The following PDE4B variants were observed in gnomAD, a reference collection of about 807,000 sequenced individuals.
The protein encoded by PDE4B is phosphodiesterase 4B.
Under a neutral mutation model 82.2 loss-of-function variants are expected in PDE4B, and 20 were observed. The observed-to-expected ratio is 0.24, with a 90% CI of 0.17 to 0.35. The LOEUF is 0.35. Ranked by LOEUF, PDE4B falls within the 10% of genes least tolerant of loss-of-function variation. The pLI is 1.00. For missense variants in PDE4B, 655 were observed against 907.2 expected, an observed-to-expected ratio of 0.72 and a Z score of 3.57; for synonymous variants, 320 against 318.9, an observed-to-expected ratio of 1.00 and a Z score of -0.04.
chr1:65,934,146 G>T (rs1003628071), intron 3 of PDE4B, among the ~76,000 whole-genome samples: 30 of 152,188 alleles, frequency 2.0e-4, no homozygotes, highest in Admixed American at 1.4e-3. Context: ...AGAAATCAAA[G>T]TATATCAGTA....
chr1:65,845,606 G>A (rs1304159254), intron 1 of PDE4B, among the ~76,000 whole-genome samples: 1 of 152,150 alleles, frequency 6.6e-6, no homozygotes, highest in East Asian at 1.9e-4. Flanking sequence ...TGAAGGAATA[G>A]GGAAGCAGAG....
In PDE4B at chr1:65,914,186, A is replaced by G. The variant is rs1262032013; in HGVS notation, c.42+830A>G. Among the ~76,000 whole-genome samples, 3 of 152,192 alleles carry G rather than the reference A, an allele frequency of 2.0e-5. No homozygotes were observed. In the East Asian group the frequency reaches 5.8e-4, roughly 29 times the overall value. On this transcript the variant is annotated intron_variant, in intron 2 of 16. Coordinates refer to ENST00000341517, the MANE Select transcript of PDE4B (RefSeq NM_002600.4). ...TTTTCCTTGTTTTCTGTAATAATCCATCTTGTTAAGCTCCTGTTTCACAGA... is the reference window on the plus strand; with the variant it reads ...TTTTCCTTGTTTTCTGTAATAATCCGTCTTGTTAAGCTCCTGTTTCACAGA...
At position 66,368,687 on chromosome 1, in the gene PDE4B, T is replaced by C. The variant is rs1391453546; in HGVS notation, c.1663-100T>C. The C allele has an allele frequency of 1.2e-5, 10 of 851,310 alleles. No individual in the cohort carries two copies. In the Admixed American group the frequency reaches 3.0e-4, roughly 26 times the overall value. 52.7% of individuals were successfully genotyped at this position (851,310 alleles called of 1,614,324 possible). A position where few individuals can be genotyped will look rare whatever the true frequency, so the allele number is the denominator to read the frequency against. Reference sequence around the variant, plus strand: ...CATAATTATAATGCAACTAAAATGTTCTCGGGTTTAGTACCAAGCGTACTA... The same window carrying C: ...CATAATTATAATGCAACTAAAATGTCCTCGGGTTTAGTACCAAGCGTACTA... On this transcript the variant is annotated intron_variant, in intron 15 of 16. Coordinates refer to ENST00000341517, the MANE Select transcript of PDE4B (RefSeq NM_002600.4).
intron 1 of PDE4B, among the ~76,000 whole-genome samples, chr1:65,854,160 TC>T (rs1290012842): frequency 6.6e-6 from 1 of 151,690 alleles, no homozygotes; most frequent in Non-Finnish European, 1.5e-5. Context: ...TGTCCTCTCC[TC>T]TCCTTTTAAA....
At chr1:66,118,427 T>C (rs538635686) in intron 3 of PDE4B, among the ~76,000 whole-genome samples, 5 of 152,324 alleles carry the variant, frequency 3.3e-5, no homozygotes, top group African/African-American at 1.2e-4. Flanking sequence ...TGTAGGGACA[T>C]GGATAAAGCT....
chr1:66,088,639 T>G (rs1644949069), intron 3 of PDE4B, among the ~76,000 whole-genome samples: 1 of 152,096 alleles, frequency 6.6e-6, no homozygotes, highest in South Asian at 2.1e-4. Context: ...AGCCTGTTAA[T>G]TTATCTTTTT....
At chr1:66,346,772 T>C (rs74549713) in intron 8 of PDE4B, among the ~76,000 whole-genome samples, 1 of 152,268 alleles carries the variant, frequency 6.6e-6, no homozygotes, top group East Asian at 1.9e-4. Context: ...GTGAGAAAGG[T>C]ACCATGAGCT....
At chr1:66,091,166 C>A (rs1468369679) in intron 3 of PDE4B, among the ~76,000 whole-genome samples, 2 of 151,886 alleles carry the variant, frequency 1.3e-5, no homozygotes, top group Non-Finnish European at 2.9e-5. Flanking sequence ...ACGAGACACC[C>A]TAGGTTTAAA....
chr1:66,033,051 C>T (rs189135560), intron 3 of PDE4B, among the ~76,000 whole-genome samples: 20 of 152,182 alleles, frequency 1.3e-4, no homozygotes, highest in South Asian at 8.3e-4. Context: ...TGCCAAACAC[C>T]GCGTTTTATT....
At chr1:66,158,416 T>C (rs1291504724) in intron 3 of PDE4B, among the ~76,000 whole-genome samples, 3 of 152,124 alleles carry the variant, frequency 2.0e-5, no homozygotes, top group South Asian at 2.1e-4. Context: ...CAAAAAAATA[T>C]TCAACATCAC....
At chr1:66,135,565 A>G (rs1244365087) in intron 3 of PDE4B, among the ~76,000 whole-genome samples, 1 of 152,226 alleles carries the variant, frequency 6.6e-6, no homozygotes, top group African/African-American at 2.4e-5. Flanking sequence ...ATGACTGGGA[A>G]CACATATAGA....
chr1:66,249,166 C>T (rs1373730740), intron 4 of PDE4B, among the ~76,000 whole-genome samples: 1 of 152,040 alleles, frequency 6.6e-6, no homozygotes, highest in Non-Finnish European at 1.5e-5. Flanking sequence ...CTTGTAGAAC[C>T]CAAGGCATTT....
At chr1:66,021,743 C>T (rs955249524) in intron 3 of PDE4B, among the ~76,000 whole-genome samples, 1 of 152,064 alleles carries the variant, frequency 6.6e-6, no homozygotes, top group South Asian at 2.1e-4. Context: ...AGTCAGGTAG[C>T]GTGATGCCTC....
chr1:66,015,911 CT>C (rs1451184182), intron 3 of PDE4B, among the ~76,000 whole-genome samples: 2 of 152,086 alleles, frequency 1.3e-5, no homozygotes, highest in Non-Finnish European at 2.9e-5. Context: ...TATTTATTCA[CT>C]TTTCAAAAAC....
At chr1:65,941,031 A>G (rs1007374943) in intron 3 of PDE4B, among the ~76,000 whole-genome samples, 8 of 152,038 alleles carry the variant, frequency 5.3e-5, no homozygotes, top group Non-Finnish European at 1.2e-4. Flanking sequence ...TAAAAAATAT[A>G]ATGTTGCAGA....
chr1:65,902,839 T>A (rs1413689974), intron 1 of PDE4B, among the ~76,000 whole-genome samples: 1 of 152,144 alleles, frequency 6.6e-6, no homozygotes, highest in Non-Finnish European at 1.5e-5. Flanking sequence ...TTCCAATATA[T>A]AAATAAGCTT....
intron 3 of PDE4B, among the ~76,000 whole-genome samples, chr1:66,054,976 C>A (rs1655222847): frequency 6.6e-6 from 1 of 152,148 alleles, no homozygotes; most frequent in Non-Finnish European, 1.5e-5. Flanking sequence ...CTAGTGTTGT[C>A]ATGGACACCT....
Position 66,005,583 on chromosome 1 carries a change from C to T in PDE4B, c.281+86748C>T, listed in dbSNP as rs180905556. The stretch of plus-strand genomic sequence containing the variant: ...CCAGGGATTCTATTTAAATGAATTG[C>T]CATTGAAAAGTGGTTATTCAAATCA... On this transcript the variant is annotated intron_variant, in intron 3 of 16. Coordinates refer to ENST00000341517, the MANE Select transcript of PDE4B (RefSeq NM_002600.4). 6.0e-4 allele frequency among the ~76,000 whole-genome samples: 92 copies of T among 152,100 alleles called. 1 individual carries two copies. Among genetic ancestry groups the T allele is most frequent in the Admixed American group, 2.0e-3 (31 of 15,250 alleles).
At chr1:66,106,473 C>A (rs1443525129) in intron 3 of PDE4B, among the ~76,000 whole-genome samples, 1 of 151,898 alleles carries the variant, frequency 6.6e-6, no homozygotes, top group African/African-American at 2.4e-5. Context: ...AGGGAGGATT[C>A]CCTCTTTTTC....
Sources: gnomAD v4.1 joint callset for allele counts (sites outside exome capture counted in the v4.1 genomes callset) on GRCh38, gnomAD v4.1.1 for gene constraint, MANE v1.5 for transcripts, NCBI Gene and HGNC (gene_info 2026-07-23, HGNC 2026-07-21) for gene names.